The following MARCHF11 variants were observed in gnomAD, a reference collection of about 807,000 sequenced individuals.
MARCHF11 encodes the protein membrane associated ring-CH-type finger 11.
MARCHF11 carries 29 observed loss-of-function variants against 37.3 expected under a neutral mutation model. The observed-to-expected ratio is 0.78, with a 90% confidence interval of 0.58 to 1.06. The LOEUF (loss-of-function observed/expected upper bound fraction) is 1.06, where lower values mean the gene tolerates loss of function less well. Ranked by LOEUF, MARCHF11 falls within the 50% of genes least tolerant of loss-of-function variation. The pLI is 0.00. For synonymous variants in MARCHF11, 233 were observed against 228.0 expected (o/e 1.02, Z -0.20); for missense variants, 482 against 533.4 (o/e 0.90, Z 0.95).
At chr5:16,118,439 GC>G (rs1417805352) in intron 2 of MARCHF11, among the ~76,000 whole-genome samples, 1 of 152,254 alleles carries the variant, frequency 6.6e-6, no homozygotes, top group Non-Finnish European at 1.5e-5. Flanking sequence ...CCAGATGGTG[GC>G]TTGCAAAGGC....
intron 3 of MARCHF11, among the ~76,000 whole-genome samples, chr5:16,085,916 G>A (rs1383387121): frequency 4.4e-5 from 5 of 114,566 alleles, no homozygotes; most frequent in East Asian, 2.7e-4. Flanking sequence ...CTCTGGCCTG[G>A]GCGAAAGAGC....
intron 2 of MARCHF11, among the ~76,000 whole-genome samples, chr5:16,092,433 C>G (rs1214750375): frequency 6.6e-6 from 1 of 152,164 alleles, no homozygotes; most frequent in Non-Finnish European, 1.5e-5. Context: ...AAGAGATTGC[C>G]ATTCATTTTA....
At position 16,172,925 on chromosome 5, in the gene MARCHF11, C is replaced by T. The variant is rs370246599; in HGVS notation, c.693+4801G>A. Among the ~76,000 whole-genome samples, 4 of 152,244 alleles carry T rather than the reference C, an allele frequency of 2.6e-5. 1 individual carries two copies. The highest frequency in any genetic ancestry group is 1.9e-4 in the East Asian group (1 of 5,176). Reference sequence around the variant, plus strand: ...GATTCAAATCCATTATGATGAATCCCAGGGTTTTAAGAACATGGATAAAAA... The same window carrying T: ...GATTCAAATCCATTATGATGAATCCTAGGGTTTTAAGAACATGGATAAAAA... On this transcript the variant is annotated intron_variant, in intron 2 of 3. Transcript: ENST00000332432.
chr5:16,073,623 A>G (rs994542360), intron 3 of MARCHF11, among the ~76,000 whole-genome samples: 1 of 150,056 alleles, frequency 6.7e-6, no homozygotes, highest in Non-Finnish European at 1.5e-5. Context: ...ATATAGAACT[A>G]TATCCAAATA....
intron 3 of MARCHF11, among the ~76,000 whole-genome samples, chr5:16,087,290 T>C (rs1287812183): frequency 6.6e-6 from 1 of 152,250 alleles, no homozygotes; most frequent in Non-Finnish European, 1.5e-5. Context: ...CCTTTATCAC[T>C]GTCTAACTCT....
intron 2 of MARCHF11, among the ~76,000 whole-genome samples, chr5:16,151,240 C>G (rs1279016264): frequency 6.6e-6 from 1 of 151,978 alleles, no homozygotes; most frequent in Non-Finnish European, 1.5e-5. Context: ...TATTTGGCTG[C>G]CATAATTTAC....
chr5:16,070,030 A>T (rs1736406701), intron 3 of MARCHF11, among the ~76,000 whole-genome samples: 1 of 152,228 alleles, frequency 6.6e-6, no homozygotes, highest in African/African-American at 2.4e-5. Flanking sequence ...GTTACTATAT[A>T]TGACCAAAAT....
At chr5:16,103,665 G>C in intron 2 of MARCHF11, among the ~76,000 whole-genome samples, 1 of 152,174 alleles carries the variant, frequency 6.6e-6, no homozygotes, top group Non-Finnish European at 1.5e-5. Context: ...CCACCCCCTA[G>C]AATATAGGGG....
chr5:16,092,244 C>T (rs1184857900), intron 2 of MARCHF11, among the ~76,000 whole-genome samples: 1 of 152,130 alleles, frequency 6.6e-6, no homozygotes, highest in Admixed American at 6.6e-5. Flanking sequence ...AAATAATTTA[C>T]ATGTAACATT....
intron 3 of MARCHF11, among the ~76,000 whole-genome samples, chr5:16,083,494 T>C (rs75634310): frequency 0.027 from 4,135 of 152,280 alleles, 173 homozygotes; most frequent in African/African-American, 0.094. Flanking sequence ...CTTTCAAGCA[T>C]GCTCGTCTAT....
intron 3 of MARCHF11, among the ~76,000 whole-genome samples, chr5:16,070,064 C>A (rs1736406939): frequency 6.6e-6 from 1 of 152,156 alleles, no homozygotes; most frequent in Admixed American, 6.5e-5. Context: ...AACTTCTGTT[C>A]ATCATAACAA....
intron 2 of MARCHF11, among the ~76,000 whole-genome samples, chr5:16,130,262 A>G (rs979061839): frequency 1.3e-5 from 2 of 151,730 alleles, no homozygotes; most frequent in African/African-American, 2.4e-5. Context: ...ACACACACAC[A>G]CACACACACA....
chr5:16,070,136 G>C (rs17649017), intron 3 of MARCHF11, among the ~76,000 whole-genome samples: 3 of 151,970 alleles, frequency 2.0e-5, no homozygotes, highest in Non-Finnish European at 4.4e-5. Flanking sequence ...TGACCTAACC[G>C]ATCAGATATT....
At chr5:16,090,325 C>T (rs941330840) in intron 3 of MARCHF11, among the ~76,000 whole-genome samples, 12 of 152,080 alleles carry the variant, frequency 7.9e-5, no homozygotes, top group East Asian at 1.9e-4. Flanking sequence ...CTAAAATGTT[C>T]GATACTTTTT....
Position 16,179,302 on chromosome 5 carries a change from C to A in MARCHF11, c.274G>T (p.Ala92Ser). 2 of 1,272,960 alleles carry A rather than the reference C, an allele frequency of 1.6e-6. No homozygotes were observed. The highest frequency in any genetic ancestry group is 4.0e-5 in the Admixed American group (1 of 25,104). 78.9% of individuals were successfully genotyped at this position (1,272,960 alleles called of 1,614,324 possible). The change falls in exon 1 of 4, where the codon GCC (alanine) becomes TCC (serine). Residue 92 changes from alanine to serine, a missense_variant. Transcript: ENST00000332432. ...CCGGCCGCCGCCACTTCCTGGCCGG[C>A]GGGCTGCAGGGGCAGGGGCGGAGGC... ...LPPPPLPLQP[A>S]GQEVAAAGDS...
intron 3 of MARCHF11, among the ~76,000 whole-genome samples, chr5:16,084,509 G>T (rs1736661598): frequency 1.3e-5 from 2 of 152,140 alleles, no homozygotes; most frequent in South Asian, 2.1e-4. Context: ...CAGGTGTGGT[G>T]GTATGTGCCT....
intron 3 of MARCHF11, among the ~76,000 whole-genome samples, chr5:16,072,510 C>CTGTGTGTGTGTGTGTGTGTG (rs34699021): frequency 1.4e-5 from 2 of 146,714 alleles, no homozygotes; most frequent in South Asian, 2.2e-4. Flanking sequence ...CTCTCTCACT[C>CTGTGTGTGTGTGTGTGTGTG]TGTGTGTGTG....
intron 2 of MARCHF11, among the ~76,000 whole-genome samples, chr5:16,097,316 G>C (rs760767331): frequency 3.3e-5 from 5 of 152,132 alleles, no homozygotes; most frequent in Non-Finnish European, 5.9e-5. Context: ...TATTAAAAGT[G>C]ATTTTCATGA....
chr5:16,095,684 T>C (rs1736856977), intron 2 of MARCHF11, among the ~76,000 whole-genome samples: 1 of 152,168 alleles, frequency 6.6e-6, no homozygotes, highest in Admixed American at 6.5e-5. Context: ...TAAAGAGCCA[T>C]CCTCTCTTGC....
Sources: gnomAD v4.1 joint callset for allele counts (sites outside exome capture counted in the v4.1 genomes callset) on GRCh38, gnomAD v4.1.1 for gene constraint, MANE v1.5 for transcripts, NCBI Gene and HGNC (gene_info 2026-07-23, HGNC 2026-07-21) for gene names.